DHX9: variants seen among roughly 807,000 people sequenced by gnomAD.
The protein encoded by DHX9 is ATP-dependent RNA helicase A.
Under a neutral mutation model 148.7 loss-of-function variants are expected in DHX9, and 27 were observed. The observed-to-expected ratio is 0.18, with a 90% CI of 0.13 to 0.25. The LOEUF (loss-of-function observed/expected upper bound fraction) is 0.25, where lower values mean the gene tolerates loss of function less well. Ranked by LOEUF, DHX9 falls within the 10% of genes least tolerant of loss-of-function variation. The pLI, the probability that DHX9 is intolerant of heterozygous loss-of-function variation, is 1.00. For synonymous variants in DHX9, 529 were observed against 516.6 expected (o/e 1.02, Z -0.33); for missense variants, 796 against 1,559.6 (o/e 0.51, Z 8.25).
At chr1:182,839,623 C>CTT (rs1667876614) in intron 1 of DHX9, 167 bp downstream of exon 1, 2 of 152,136 alleles carry the variant, frequency 1.3e-5, no homozygotes, top group African/African-American at 2.4e-5. Context: ...GGGTTGCGTG[C>CTT]GCGCCTCGCC....
chr1:182,858,671 C>T lies in DHX9; in HGVS notation c.900+31C>T, dbSNP rs369993861. ...CATAAAGCTGTTTAGTTCACATTTACGTAGAACTCTCCGTAGACAAGCAAA... is the reference window on the plus strand; with the variant it reads ...CATAAAGCTGTTTAGTTCACATTTATGTAGAACTCTCCGTAGACAAGCAAA... On this transcript the variant is annotated intron_variant, in intron 9 of 27. Coordinates refer to ENST00000367549, the MANE Select transcript of DHX9 (RefSeq NM_001357.5). 1.2e-5 allele frequency: 20 copies of T among 1,610,414 alleles called. No homozygotes were observed. The African/African-American group carries it at 1.3e-4, about 11-fold the overall frequency.
At chr1:182,867,617 G>C (rs1648360912) in intron 14 of DHX9, among the ~76,000 whole-genome samples, 1 of 152,140 alleles carries the variant, frequency 6.6e-6, no homozygotes, top group Admixed American at 6.5e-5. Flanking sequence ...TGGTCAGGCT[G>C]GTGTCGAACT....
chr1:182,883,010 G>A, intron 24 of DHX9, 129 bp from the exon 25 acceptor site: 1 of 642,656 alleles, frequency 1.6e-6, no homozygotes, highest in Non-Finnish European at 2.7e-6. Context: ...AGAAGAGAAA[G>A]TTTTACAGAC....
intron 2 of DHX9, 141 bp from the exon 3 acceptor site, chr1:182,843,153 C>T: frequency 1.9e-6 from 1 of 538,354 alleles, no homozygotes; most frequent in Non-Finnish European, 2.8e-6. Context: ...CATGCATTCT[C>T]TTATTTTTAT....
At chr1:182,861,753 A>G (rs1194627564) in intron 12 of DHX9, among the ~76,000 whole-genome samples, 1 of 152,158 alleles carries the variant, frequency 6.6e-6, no homozygotes, top group African/African-American at 2.4e-5. Flanking sequence ...ATTTGGGGTG[A>G]ATTACTTATA....
At chr1:182,880,709 A>AAT in intron 22 of DHX9, 101 bp downstream of exon 22, 9 of 717,620 alleles carry the variant, frequency 1.3e-5, no homozygotes, top group Admixed American at 5.6e-5. Flanking sequence ...CAAAAAAAAA[A>AAT]TCCTAAATGT....
Position 182,858,467 on chromosome 1 carries a change from G to A in DHX9, c.811-84G>A, listed in dbSNP as rs901176255. On this transcript the variant is annotated intron_variant, in intron 8 of 27. Transcript: ENST00000367549. ...AACTGACTATTGGTTTAGGAATATT[G>A]TAGACCTAGTGTTGACTGTATAGTC... 28 of 1,236,548 alleles carry A rather than the reference G, an allele frequency of 2.3e-5. No individual in the cohort carries two copies. In the Admixed American group the frequency reaches 5.5e-4, roughly 24 times the overall value. 76.6% of individuals were successfully genotyped at this position (1,236,548 alleles called of 1,614,324 possible).
intron 8 of DHX9, 34 bp from the exon 9 acceptor site, chr1:182,858,517 G>GTGTTATGACA: frequency 6.5e-7 from 1 of 1,539,442 alleles, no homozygotes; most frequent in East Asian, 2.3e-5. Context: ...GTAGATTTGA[G>GTGTTATGACA]TAGTGTTGTT....
chr1:182,853,970 G>T, intron 5 of DHX9, 60 bp from the exon 6 acceptor site: 2 of 1,514,352 alleles, frequency 1.3e-6, no homozygotes, highest in Non-Finnish European at 1.8e-6. Context: ...AAAAATTTCT[G>T]TGCCTTGTTT....
chr1:182,842,784 C>CG lies in DHX9; in HGVS notation c.111+108dup. 5.2e-6 allele frequency: 4 copies of CG among 763,508 alleles called. No individual in the cohort carries two copies. The South Asian group carries it at 8.5e-5, about 16-fold the overall frequency. The allele number at this position is 763,508 out of a possible 1,614,324, so 47.3% of individuals were successfully genotyped here. On this transcript the variant is annotated intron_variant, in intron 2 of 27. Transcript: ENST00000367549. The stretch of plus-strand genomic sequence containing the variant: ...TGTTAATGTGTTGCACATTAGGAAA[C>CG]GACAGTTCTTTATTGTGACTTGACT...
intron 3 of DHX9, among the ~76,000 whole-genome samples, chr1:182,846,378 G>T (rs1393927254): frequency 6.6e-6 from 1 of 152,110 alleles, no homozygotes; most frequent in African/African-American, 2.4e-5. Context: ...GGGATTACTG[G>T]CATGTGCCGC....
intron 12 of DHX9, among the ~76,000 whole-genome samples, chr1:182,865,819 C>CATGGA (rs1364909992): frequency 2.0e-5 from 3 of 152,228 alleles, no homozygotes; most frequent in African/African-American, 2.4e-5. Flanking sequence ...ACTTAGAAGA[C>CATGGA]ATGGAACACT....
At chr1:182,857,127 G>A (rs543062117) in intron 7 of DHX9, among the ~76,000 whole-genome samples, 3 of 152,300 alleles carry the variant, frequency 2.0e-5, no homozygotes, top group African/African-American at 4.8e-5. Context: ...GATTACAGGC[G>A]TGAGCCACTG....
At chr1:182,871,340 T>A (rs1455243061) in intron 14 of DHX9, among the ~76,000 whole-genome samples, 1 of 152,182 alleles carries the variant, frequency 6.6e-6, no homozygotes. Context: ...AGACACTGCT[T>A]TATATCTGTT....
rs577248113 is a variant in DHX9 at position 182,844,495 on chromosome 1, C to T, written c.252+1061C>T. 7.2e-5 allele frequency among the ~76,000 whole-genome samples: 11 copies of T among 152,176 alleles called. No homozygotes were observed. In the South Asian group the frequency reaches 1.2e-3, roughly 17 times the overall value. ...AGTAGCTGGGACTGTGGGTGTGTGC[C>T]GCTACACTAGGCTCTAGTAGTTTTT... is the stretch of plus-strand genomic sequence containing the variant. On this transcript the variant is annotated intron_variant, in intron 3 of 27. Transcript: ENST00000367549.
At chr1:182,853,488 A>G (rs760331912) in intron 5 of DHX9, 70 bp downstream of exon 5, 18 of 1,155,630 alleles carry the variant, frequency 1.6e-5, no homozygotes, top group Non-Finnish European at 2.2e-5. Flanking sequence ...AAAGCTTAGG[A>G]TTAGGATATT....
rs1197929152 is a variant in DHX9, at chr1:182,842,611, G to A, written c.45G>A (p.Arg15=). The change falls in exon 2 of 28, where the codon AGG becomes AGA. Residue 15 remains arginine (R), a synonymous_variant. Transcript: ENST00000367549. ...TTCTGTATGCCTGGTGTGGCAAAAGGAAGATGACCCCATCCTATGAAATTA... is the reference window on the plus strand; with the variant it reads ...TTCTGTATGCCTGGTGTGGCAAAAGAAAGATGACCCCATCCTATGAAATTA... ...KNFLYAWCGK[R]KMTPSYEIRA... The A allele has an allele frequency of 2.5e-6, 4 of 1,613,512 alleles. No individual in the cohort carries two copies. The highest frequency in any genetic ancestry group is 3.3e-5 in the Admixed American group (2 of 59,978).
intron 6 of DHX9, among the ~76,000 whole-genome samples, chr1:182,854,716 C>G (rs1328382375): frequency 6.6e-6 from 1 of 152,202 alleles, no homozygotes; most frequent in South Asian, 2.1e-4. Flanking sequence ...CAGCCTTGGT[C>G]TTTGTATGTG....
At chr1:182,883,764 TA>T (rs1649195202) in intron 26 of DHX9, 129 bp downstream of exon 26, 1 of 530,852 alleles carries the variant, frequency 1.9e-6, no homozygotes, top group Non-Finnish European at 3.2e-6. Flanking sequence ...TACTTAATCT[TA>T]AATTGATACC....
Sources: allele counts gnomAD v4.1 joint callset (sites outside exome capture counted in the v4.1 genomes callset), GRCh38; gene constraint gnomAD v4.1.1; transcripts MANE v1.5; gene names NCBI Gene and HGNC (gene_info 2026-07-23, HGNC 2026-07-21).